The following RGMA variants were observed in gnomAD, a reference collection of about 807,000 sequenced individuals.
The protein encoded by RGMA is repulsive guidance molecule BMP co-receptor a.
A neutral mutation model predicts 23.2 loss-of-function variants in RGMA; 10 were observed. The ratio of observed to expected loss-of-function variants is 0.43; its 90% CI spans 0.27 to 0.73. RGMA has a LOEUF of 0.73. Ranked by LOEUF, RGMA falls within the 30% of genes least tolerant of loss-of-function variation. The probability of loss-of-function intolerance (pLI) is 0.20; values close to 1 mark genes in which losing one functional copy is unlikely to be tolerated. For missense variants in RGMA, 547 were observed against 630.5 expected (o/e 0.87, Z 1.42); for synonymous variants, 308 against 279.3 (o/e 1.10, Z -1.03).
intron 1 of RGMA, among the ~76,000 whole-genome samples, chr15:93,082,051 G>A (rs1895567280): frequency 6.6e-6 from 1 of 152,216 alleles, no homozygotes; most frequent in African/African-American, 2.4e-5. Flanking sequence ...TATATTTGCA[G>A]ATCTATCAAA....
intron 2 of RGMA, chr15:93,065,977 C>T (rs778727072): frequency 1.2e-5 from 13 of 1,097,140 alleles, no homozygotes; most frequent in Middle Eastern, 2.1e-4. Context: ...TCGTCTGGGC[C>T]GCTGCGCGGA....
Position 93,040,753 on chromosome 15 carries a change from A to G in RGMA, c.*4245T>C, listed in dbSNP as rs1457230359. 1 of 152,232 alleles carries G rather than the reference A, an allele frequency of 6.6e-6. No homozygotes were observed. Among genetic ancestry groups the G allele is most frequent in the Non-Finnish European group, 1.5e-5 (1 of 68,100 alleles). 9.4% of individuals were successfully genotyped at this position (152,232 alleles called of 1,614,324 possible). On this transcript the variant is annotated 3_prime_UTR_variant, in exon 4 of 4. Transcript: ENST00000329082. Reference sequence around the variant, plus strand: ...GCGGTAGCCCCTCACACCCCCCTGAACAATGCTGGGTAGACACCCAATAGA... The same window carrying G: ...GCGGTAGCCCCTCACACCCCCCTGAGCAATGCTGGGTAGACACCCAATAGA...
At position 93,044,114 on chromosome 15, in the gene RGMA, G is replaced by A. The variant is rs999132079; in HGVS notation, c.*884C>T. On this transcript the variant is annotated 3_prime_UTR_variant, in exon 4 of 4. Transcript: ENST00000329082. ...TTGGGGTTGTGAGGAGGAAGCAGAGGATCAGGGCAGGCCAGCTGGCCCCAT... is the reference window on the plus strand; with the variant it reads ...TTGGGGTTGTGAGGAGGAAGCAGAGAATCAGGGCAGGCCAGCTGGCCCCAT... 6.6e-6 allele frequency: 1 copy of A among 152,448 alleles called. No homozygotes were observed. The highest frequency in any genetic ancestry group is 1.5e-5 in the Non-Finnish European group (1 of 68,208). The allele number at this position is 152,448 out of a possible 1,614,324, so 9.4% of individuals were successfully genotyped here. A position where few individuals can be genotyped will look rare whatever the true frequency, so the allele number is the denominator to read the frequency against.
intron 3 of RGMA, among the ~76,000 whole-genome samples, chr15:93,051,555 C>T (rs998439271): frequency 1.3e-5 from 2 of 150,940 alleles, no homozygotes; most frequent in Non-Finnish European, 3.0e-5. Context: ...TGTGTGGCTG[C>T]GGCCCCATGA....
At chr15:93,065,915 G>A (rs936034572) in intron 2 of RGMA, 17 of 721,242 alleles carry the variant, frequency 2.4e-5, no homozygotes, top group Non-Finnish European at 4.2e-5. Context: ...TGGCTGGGGG[G>A]CCGAGGGACT....
At chr15:93,085,072 A>C (rs928888936) in intron 1 of RGMA, among the ~76,000 whole-genome samples, 1 of 152,114 alleles carries the variant, frequency 6.6e-6, no homozygotes, top group African/African-American at 2.4e-5. Flanking sequence ...GAATAAAATA[A>C]TGTTATCAAA....
chr15:93,059,986 C>A (rs2141823300), intron 2 of RGMA, among the ~76,000 whole-genome samples: 1 of 152,352 alleles, frequency 6.6e-6, no homozygotes, highest in African/African-American at 2.4e-5. Flanking sequence ...CTTTTCAGAG[C>A]AAGCTGCGTT....
intron 1 of RGMA, among the ~76,000 whole-genome samples, chr15:93,085,962 C>A (rs1895628539): frequency 6.6e-6 from 1 of 152,166 alleles, no homozygotes; most frequent in South Asian, 2.1e-4. Flanking sequence ...TTTCCACTGC[C>A]CTATTCATTG....
intron 2 of RGMA, among the ~76,000 whole-genome samples, chr15:93,058,922 C>T (rs760100518): frequency 4.6e-5 from 7 of 152,294 alleles, no homozygotes; most frequent in South Asian, 2.1e-4. Flanking sequence ...GGCTGGGCCT[C>T]ACCCCAGAAA....
intron 2 of RGMA, among the ~76,000 whole-genome samples, chr15:93,054,304 C>G (rs966471860): frequency 4.6e-5 from 7 of 151,358 alleles, no homozygotes; most frequent in African/African-American, 1.7e-4. Flanking sequence ...AAGAAGTATA[C>G]TCACTTAAAG....
At chr15:93,075,252 A>G (rs774327383) in intron 1 of RGMA, among the ~76,000 whole-genome samples, 7 of 152,220 alleles carry the variant, frequency 4.6e-5, no homozygotes, top group Non-Finnish European at 7.3e-5. Context: ...CATGTGCAGC[A>G]TATTCTGCAA....
intron 1 of RGMA, chr15:93,073,682 G>T (rs1039570686): frequency 6.5e-7 from 1 of 1,537,092 alleles, no homozygotes; most frequent in African/African-American, 1.4e-5. Context: ...TCTAGGTCTG[G>T]GCAGGATGGC....
intron 2 of RGMA, among the ~76,000 whole-genome samples, chr15:93,060,642 C>T (rs962018671): frequency 6.6e-6 from 1 of 152,234 alleles, no homozygotes; most frequent in South Asian, 2.1e-4. Flanking sequence ...ATGGCTTCTC[C>T]GTGCAATCAA....
At chr15:93,080,190 T>C (rs1895536353) in intron 1 of RGMA, among the ~76,000 whole-genome samples, 1 of 152,136 alleles carries the variant, frequency 6.6e-6, no homozygotes, top group Non-Finnish European at 1.5e-5. Flanking sequence ...TTCCAAAATT[T>C]TAATGGGTTT....
intron 1 of RGMA, chr15:93,073,276 G>T: frequency 3.4e-6 from 3 of 881,452 alleles, no homozygotes; most frequent in Non-Finnish European, 4.3e-6. Context: ...TCGCGCTCGG[G>T]TTTCAGCGAG....
chr15:93,045,297 G>C lies in RGMA; in HGVS notation c.1054C>G (p.Pro352Ala), dbSNP rs773807673. Reference protein sequence around the residue: ...LAAASPAPTAPETFPYETAVA... With the variant: ...LAAASPAPTAAETFPYETAVA... ...GCTGTCTCGTATGGGAAGGTCTCGG[G>C]GGCTGTGGGTGCAGGGCTGGCGGCT... The change falls in exon 4 of 4, where the codon CCC (proline) becomes GCC (alanine). Residue 352 changes from proline (P) to alanine (A), a missense_variant. Around this residue, in one of 3 missense-constraint regions of RGMA, gnomAD observed 205 missense variants for 204.1 expected, o/e 1.00. Coordinates refer to ENST00000329082, the MANE Select transcript of RGMA (RefSeq NM_020211.3). This position sits in a 1 kb window ranked among gnomAD's most constrained non-coding sequence, Gnocchi z 6.9. 1.5e-5 allele frequency: 24 copies of C among 1,612,504 alleles called. No homozygotes were observed.
chr15:93,044,759 G>C lies in RGMA; in HGVS notation c.*239C>G, dbSNP rs1165753819. 2 of 572,530 alleles carry C rather than the reference G, an allele frequency of 3.5e-6. No homozygotes were observed. The highest frequency in any genetic ancestry group is 6.2e-6 in the Non-Finnish European group (2 of 321,828). The allele number at this position is 572,530 out of a possible 1,614,324, so 35.5% of individuals were successfully genotyped here. A position where few individuals can be genotyped will look rare whatever the true frequency, so the allele number is the denominator to read the frequency against. On this transcript the variant is annotated 3_prime_UTR_variant, in exon 4 of 4. Coordinates refer to ENST00000329082, the MANE Select transcript of RGMA (RefSeq NM_020211.3). Reference sequence around the variant, plus strand: ...TCACACTGCAGGGGCGGGGCGAGGGGAGCTGCTCTCCCTCTCACACAGCTC... The same window carrying C: ...TCACACTGCAGGGGCGGGGCGAGGGCAGCTGCTCTCCCTCTCACACAGCTC...
At position 93,041,456 on chromosome 15, in the gene RGMA, T is replaced by G. The variant is rs913732138; in HGVS notation, c.*3542A>C. 6.6e-6 allele frequency: 1 copy of G among 152,230 alleles called. No homozygotes were observed. Among genetic ancestry groups the G allele is most frequent in the Non-Finnish European group, 1.5e-5 (1 of 68,044 alleles). The allele number at this position is 152,230 out of a possible 1,614,324, so 9.4% of individuals were successfully genotyped here. ...GCTGTGTTCCATATTCACGACGGCATTTCCATGCTCGTGAGGGCAACCAGT... is the reference window on the plus strand; with the variant it reads ...GCTGTGTTCCATATTCACGACGGCAGTTCCATGCTCGTGAGGGCAACCAGT... On this transcript the variant is annotated 3_prime_UTR_variant, in exon 4 of 4. Transcript: ENST00000329082.
chr15:93,053,282 C>A (rs1466880894), intron 2 of RGMA, among the ~76,000 whole-genome samples: 1 of 152,234 alleles, frequency 6.6e-6, no homozygotes, highest in Admixed American at 6.5e-5. Flanking sequence ...CTTTAACACA[C>A]CTTATCTTCT....
Sources: allele counts gnomAD v4.1 joint callset (sites outside exome capture counted in the v4.1 genomes callset), GRCh38; gene constraint gnomAD v4.1.1; regional missense constraint gnomAD v4.1.1; non-coding constraint Gnocchi (gnomAD v3.1); transcripts MANE v1.5; gene names NCBI Gene and HGNC (gene_info 2026-07-23, HGNC 2026-07-21).